The following FAAH2 variants were observed in gnomAD, a reference collection of about 807,000 sequenced individuals.
The protein encoded by FAAH2 is fatty acid amide hydrolase 2.
In FAAH2, 60 loss-of-function variants were observed where a neutral mutation model predicts 36.9. That is an observed-to-expected ratio of 1.63 (90% CI 1.32 to 2.02). The LOEUF (loss-of-function observed/expected upper bound fraction) is 2.02, where lower values mean the gene tolerates loss of function less well. Ranked by LOEUF, FAAH2 falls within the 30% of genes most tolerant of loss-of-function variation. FAAH2 has a pLI of 0.00. For missense variants in FAAH2, 689 were observed against 397.5 expected, an observed-to-expected ratio of 1.73 and a Z score of -6.23; for synonymous variants, 214 against 143.8, an observed-to-expected ratio of 1.49 and a Z score of -3.49.
the FAAH2 span, among the ~76,000 whole-genome samples, chrX:57,142,124 T>C: frequency 8.9e-6 from 1 of 112,315 alleles, no homozygotes; most frequent in Non-Finnish European, 1.9e-5. Flanking sequence ...TGATTTTTAT[T>C]ATTTCTTTCC....
intron 2 of FAAH2, among the ~76,000 whole-genome samples, chrX:57,309,424 C>T (rs942013023): frequency 4.5e-5 from 5 of 111,912 alleles, no homozygotes; most frequent in Non-Finnish European, 9.4e-5. Flanking sequence ...TAGGAATTTC[C>T]GAAGTGCAGT....
chrX:57,182,669 G>A, the FAAH2 span, among the ~76,000 whole-genome samples: 6 of 111,059 alleles, frequency 5.4e-5, no homozygotes, highest in African/African-American at 2.0e-4. Flanking sequence ...ATATAGACTT[G>A]CCATTCTAAA....
chrX:57,379,517 T>G (rs1419760229), intron 6 of FAAH2, among the ~76,000 whole-genome samples: 1 of 95,523 alleles, frequency 1.0e-5, no homozygotes, highest in African/African-American at 4.4e-5. Flanking sequence ...AACCTCTCTC[T>G]CTCTGTCTCT....
chrX:57,275,588 T>C, the FAAH2 span, among the ~76,000 whole-genome samples: 1 of 112,307 alleles, frequency 8.9e-6, no homozygotes, highest in South Asian at 3.7e-4. Flanking sequence ...TGACCTTAAA[T>C]GTAAATGGGC....
At chrX:57,389,881 T>C (rs2055123165) in intron 7 of FAAH2, among the ~76,000 whole-genome samples, 1 of 110,584 alleles carries the variant, frequency 9.0e-6, no homozygotes. Context: ...ATAATAGCTA[T>C]GCTATTGGGT....
intron 4 of FAAH2, among the ~76,000 whole-genome samples, chrX:57,335,138 A>T (rs1446738133): frequency 9.0e-6 from 1 of 110,939 alleles, no homozygotes; most frequent in Non-Finnish European, 1.9e-5. Context: ...AACTTAAATC[A>T]TAACAAACAG....
At chrX:57,314,708 C>CA (rs930053561) in intron 3 of FAAH2, among the ~76,000 whole-genome samples, 49 of 109,586 alleles carry the variant, frequency 4.5e-4, no homozygotes, top group South Asian at 1.9e-3. Context: ...GGCAGAAATA[C>CA]AAAAAAACAA....
chrX:57,231,034 A>AGTGTGTGTGTGTGTGTGTGTGTGT, the FAAH2 span, among the ~76,000 whole-genome samples: 1 of 94,459 alleles, frequency 1.1e-5, no homozygotes, highest in Non-Finnish European at 2.1e-5. Flanking sequence ...CTCCAAAGGA[A>AGTGTGTGTGTGTGTGTGTGTGTGT]GTGTGTGTGT....
At chrX:57,222,516 T>A in the FAAH2 span, among the ~76,000 whole-genome samples, 2 of 112,176 alleles carry the variant, frequency 1.8e-5, no homozygotes, top group Non-Finnish European at 3.8e-5. Flanking sequence ...CAAGCATTGG[T>A]GGCAGCTGCT....
At chrX:57,300,776 C>G (rs1363933917) in intron 2 of FAAH2, among the ~76,000 whole-genome samples, 2 of 111,735 alleles carry the variant, frequency 1.8e-5, no homozygotes, top group African/African-American at 6.5e-5. Flanking sequence ...AAAAAACAAA[C>G]AACCCCATCA....
In FAAH2 at chrX:57,296,358, C is replaced by T. The variant is rs757260784; in HGVS notation, c.275+3778C>T. Among the ~76,000 whole-genome samples, 71 of 111,957 alleles carry T rather than the reference C, an allele frequency of 6.3e-4. 1 individual carries two copies. The highest frequency in any genetic ancestry group is 1.1e-3 in the Non-Finnish European group (56 of 53,156). ...GGCAAACAGGGTCTGCAGTGGACCT[C>T]CAGTAAACTCCAACAGACCTGCAGC... On this transcript the variant is annotated intron_variant, in intron 2 of 10. Coordinates refer to ENST00000374900, the MANE Select transcript of FAAH2 (RefSeq NM_174912.4).
intron 5 of FAAH2, among the ~76,000 whole-genome samples, chrX:57,364,327 C>A (rs2054358488): frequency 9.3e-6 from 1 of 107,924 alleles, no homozygotes; most frequent in Admixed American, 1.0e-4. Flanking sequence ...TCTGTGTTTT[C>A]TAGGTTGTGT....
chrX:57,436,541 A>G (rs1477499987), intron 8 of FAAH2, among the ~76,000 whole-genome samples: 7 of 111,143 alleles, frequency 6.3e-5, no homozygotes, highest in Non-Finnish European at 9.5e-5. Flanking sequence ...AAGAGAGATT[A>G]CAACAAAATC....
the FAAH2 span, among the ~76,000 whole-genome samples, chrX:57,154,153 C>T: frequency 5.4e-5 from 6 of 110,677 alleles, no homozygotes; most frequent in Admixed American, 1.9e-4. Context: ...TTATTGCTGA[C>T]ACCTTCTAGT....
chrX:57,223,159 C>T, the FAAH2 span, among the ~76,000 whole-genome samples: 1 of 112,319 alleles, frequency 8.9e-6, no homozygotes, highest in Non-Finnish European at 1.9e-5. Flanking sequence ...CAAACTCCTT[C>T]AAGCTGCCAG....
chrX:57,405,618 G>A (rs931787636), intron 7 of FAAH2, among the ~76,000 whole-genome samples: 1 of 106,287 alleles, frequency 9.4e-6, no homozygotes, highest in Admixed American at 1.0e-4. Context: ...GTATATCAGA[G>A]CTCCCATAAA....
At chrX:57,400,848 C>A (rs996989896) in intron 7 of FAAH2, among the ~76,000 whole-genome samples, 3 of 112,302 alleles carry the variant, frequency 2.7e-5, no homozygotes, top group African/African-American at 9.7e-5. Context: ...TGGGGCTGGG[C>A]GCAGTGGCTC....
chrX:57,429,140 C>A (rs758766499), intron 7 of FAAH2, among the ~76,000 whole-genome samples: 1 of 109,500 alleles, frequency 9.1e-6, no homozygotes, highest in African/African-American at 3.3e-5. Context: ...TCGAGACCAC[C>A]GTGGCCAACA....
chrX:57,211,407 G>A, the FAAH2 span, among the ~76,000 whole-genome samples: 1 of 111,600 alleles, frequency 9.0e-6, no homozygotes, highest in Non-Finnish European at 1.9e-5. Context: ...TGGGGTCAGA[G>A]TGTGATCCTG....
Sources: gnomAD v4.1 joint callset for allele counts (sites outside exome capture counted in the v4.1 genomes callset) on GRCh38, gnomAD v4.1.1 for gene constraint, MANE v1.5 for transcripts, NCBI Gene and HGNC (gene_info 2026-07-23, HGNC 2026-07-21) for gene names.